The following GPHN variants were observed in gnomAD, a reference collection of about 807,000 sequenced individuals.
GPHN encodes gephyrin.
GPHN carries 17 observed loss-of-function variants against 95.5 expected under a neutral mutation model. The observed-to-expected ratio is 0.18, with a 90% CI of 0.12 to 0.27. The LOEUF is 0.27. Ranked by LOEUF, GPHN falls within the 10% of genes least tolerant of loss-of-function variation. The pLI is 1.00. For missense variants in GPHN, 660 were observed against 978.1 expected (o/e 0.67, Z 4.34); for synonymous variants, 320 against 322.5 (o/e 0.99, Z 0.08).
At chr14:66,970,810 A>G (rs2069707002) in intron 9 of GPHN, among the ~76,000 whole-genome samples, 1 of 152,220 alleles carries the variant, frequency 6.6e-6, no homozygotes, top group South Asian at 2.1e-4. Flanking sequence ...AAGGTTGGAA[A>G]CCAGTGAATT....
intron 1 of GPHN, among the ~76,000 whole-genome samples, chr14:66,582,278 C>G (rs561095388): frequency 1.3e-5 from 2 of 151,750 alleles, no homozygotes; most frequent in South Asian, 2.1e-4. Context: ...CCCTAAACAA[C>G]CAAGAGTAAA....
intron 1 of GPHN, among the ~76,000 whole-genome samples, chr14:66,513,456 A>G (rs1346975923): frequency 6.6e-6 from 1 of 151,816 alleles, no homozygotes; most frequent in Non-Finnish European, 1.5e-5. Flanking sequence ...TTCCTGGCTA[A>G]GTTGAACAGG....
At chr14:67,050,054 A>G (rs2075237837) in intron 10 of GPHN, among the ~76,000 whole-genome samples, 1 of 152,194 alleles carries the variant, frequency 6.6e-6, no homozygotes, top group African/African-American at 2.4e-5. Context: ...GTTAACATGC[A>G]AATAGTTTAA....
chr14:67,439,543 T>C, the GPHN span, among the ~76,000 whole-genome samples: 1,109 of 59,088 alleles, frequency 0.019, 9 homozygotes, highest in Middle Eastern at 0.036. Flanking sequence ...GTTTCTTTCT[T>C]TCTTTCTTTC....
chr14:66,593,040 A>G (rs940416577), intron 1 of GPHN, among the ~76,000 whole-genome samples: 110 of 152,204 alleles, frequency 7.2e-4, no homozygotes, highest in African/African-American at 2.5e-3. Flanking sequence ...CAGATAACTA[A>G]CACAGAAAGA....
rs578095934 is a variant in GPHN at position 67,158,704 on chromosome 14, T to C, written c.1837-711T>C. Among the ~76,000 whole-genome samples, 4 of 152,328 alleles carry C rather than the reference T, an allele frequency of 2.6e-5. No homozygotes were observed. The South Asian group carries it at 8.3e-4, about 32-fold the overall frequency. On this transcript the variant is annotated intron_variant, in intron 18 of 22. Coordinates refer to ENST00000478722, the MANE Select transcript of GPHN (RefSeq NM_020806.5). The stretch of plus-strand genomic sequence containing the variant: ...TACAACACCAGCTGCAGAGCTGTGT[T>C]ATATTTCATTTCCAAAGATCAGATT...
At chr14:67,355,936 G>A in the GPHN span, among the ~76,000 whole-genome samples, 2 of 152,084 alleles carry the variant, frequency 1.3e-5, no homozygotes, top group Non-Finnish European at 2.9e-5. Context: ...GGAGGTTGAG[G>A]CAGTGAGCTG....
intron 8 of GPHN, among the ~76,000 whole-genome samples, chr14:66,951,619 A>T (rs759836732): frequency 5.9e-5 from 9 of 152,176 alleles, no homozygotes; most frequent in African/African-American, 2.2e-4. Context: ...ATAGTGTTGA[A>T]CAAGAAAAAG....
At chr14:67,600,730 C>T in the GPHN span, among the ~76,000 whole-genome samples, 2 of 152,164 alleles carry the variant, frequency 1.3e-5, no homozygotes. Flanking sequence ...CAGGCGCGCG[C>T]CACCACGCCC....
chr14:67,046,383 G>A (rs1401641817), intron 10 of GPHN, among the ~76,000 whole-genome samples: 2 of 152,118 alleles, frequency 1.3e-5, no homozygotes, highest in African/African-American at 2.4e-5. Flanking sequence ...ATATGCTATG[G>A]CAGAAAACTA....
intron 8 of GPHN, among the ~76,000 whole-genome samples, chr14:66,938,289 A>C (rs576116009): frequency 6.6e-6 from 1 of 152,208 alleles, no homozygotes; most frequent in African/African-American, 2.4e-5. Context: ...GAAATGTTTC[A>C]TATTAGTTTA....
Position 67,181,471 on chromosome 14 carries a change from C to A in GPHN, c.*534C>A, listed in dbSNP as rs757577208. Reference sequence around the variant, plus strand: ...GGCTCTGCCTTGCCTCAAGAACCATCCCCTGCAGAGCATCCAGGGAGGTTT... The same window carrying A: ...GGCTCTGCCTTGCCTCAAGAACCATACCCTGCAGAGCATCCAGGGAGGTTT... On this transcript the variant is annotated 3_prime_UTR_variant, in exon 23 of 23. Transcript: ENST00000478722. 5.8e-6 allele frequency: 3 copies of A among 519,044 alleles called. No homozygotes were observed. Among genetic ancestry groups the A allele is most frequent in the African/African-American group, 3.8e-5 (2 of 52,904 alleles). 32.2% of individuals were successfully genotyped at this position (519,044 alleles called of 1,614,324 possible).
intron 12 of GPHN, among the ~76,000 whole-genome samples, chr14:67,092,222 G>T (rs180692884): frequency 1.1e-3 from 160 of 152,174 alleles, no homozygotes; most frequent in Non-Finnish European, 2.0e-3. Context: ...TAGTAATAAA[G>T]ATGATTTTCA....
intron 10 of GPHN, among the ~76,000 whole-genome samples, chr14:67,035,342 TA>T (rs1156349769): frequency 1.3e-5 from 2 of 151,228 alleles, no homozygotes; most frequent in Non-Finnish European, 3.0e-5. Context: ...GAATGAGAAA[TA>T]GAATAAACTA....
chr14:66,804,144 C>T (rs2060459988), intron 3 of GPHN, among the ~76,000 whole-genome samples: 1 of 152,158 alleles, frequency 6.6e-6, no homozygotes, highest in Non-Finnish European at 1.5e-5. Flanking sequence ...CCTCCTTCTT[C>T]TGTAGGCAGA....
chr14:67,027,617 C>T (rs906441866), intron 10 of GPHN, among the ~76,000 whole-genome samples: 7 of 152,200 alleles, frequency 4.6e-5, no homozygotes, highest in Admixed American at 3.9e-4. Context: ...GCATGAGCCA[C>T]GGTGCCCAGC....
rs368140123 is a variant in GPHN at position 67,148,558 on chromosome 14, C to CTT, written c.1836+5128_1836+5129dup. Among the ~76,000 whole-genome samples, 966 of 109,034 alleles carry CTT rather than the reference C, an allele frequency of 8.9e-3. 68 individuals are homozygous for CTT. The highest frequency in any genetic ancestry group is 0.028 in the African/African-American group (720 of 26,020). The allele number at this position is 109,034 out of a possible 152,430, so 71.5% of individuals were successfully genotyped here. A position where few individuals can be genotyped will look rare whatever the true frequency, so the allele number is the denominator to read the frequency against. On this transcript the variant is annotated intron_variant, in intron 18 of 22. Coordinates refer to ENST00000478722, the MANE Select transcript of GPHN (RefSeq NM_020806.5). ...CATAATAATTTTAAGACTTTATTTG[C>CTT]TTTTTTTTTTTTTTTTTTTTGAGAC... is the stretch of plus-strand genomic sequence containing the variant.
chr14:66,868,278 C>T (rs2063301988), intron 4 of GPHN, among the ~76,000 whole-genome samples: 1 of 152,064 alleles, frequency 6.6e-6, no homozygotes. Context: ...AATTTGTCTG[C>T]TCTGTTAATA....
chr14:67,226,618 C>A, the GPHN span, among the ~76,000 whole-genome samples: 2 of 151,752 alleles, frequency 1.3e-5, no homozygotes, highest in Non-Finnish European at 2.9e-5. Context: ...GCCTCAGCCT[C>A]CCAAAGTGCT....
Sources: allele counts gnomAD v4.1 joint callset (sites outside exome capture counted in the v4.1 genomes callset), GRCh38; gene constraint gnomAD v4.1.1; transcripts MANE v1.5; gene names NCBI Gene and HGNC (gene_info 2026-07-23, HGNC 2026-07-21).